The following GPI variants were observed in gnomAD, a reference collection of about 807,000 sequenced individuals.
GPI encodes D-hexose-6-phosphate anomerase.
In GPI, 56 loss-of-function variants were observed where a neutral mutation model predicts 75.8. The observed-to-expected ratio is 0.74, with a 90% CI of 0.60 to 0.92. The LOEUF is 0.92. Among genes scored for constraint, GPI ranks in the 40% least tolerant of loss-of-function variants. GPI has a pLI of 0.00. For synonymous variants in GPI, 288 were observed against 285.4 expected (o/e 1.01, Z -0.09); for missense variants, 638 against 741.0 (o/e 0.86, Z 1.61).
At chr19:34,375,602 A>AC (rs2074523005) in intron 4 of GPI, among the ~76,000 whole-genome samples, 1 of 151,476 alleles carries the variant, frequency 6.6e-6, no homozygotes, top group Non-Finnish European at 1.5e-5. Flanking sequence ...GGTTTGGAGG[A>AC]CCCCCCTCTA....
At chr19:34,375,939 C>T (rs2074528845) in intron 4 of GPI, among the ~76,000 whole-genome samples, 1 of 152,208 alleles carries the variant, frequency 6.6e-6, no homozygotes, top group African/African-American at 2.4e-5. Flanking sequence ...GTCTGATACT[C>T]CTTTCCCCAG....
chr19:34,379,146 T>G (rs1325778970), intron 7 of GPI, 141 bp downstream of exon 7: 1 of 765,380 alleles, frequency 1.3e-6, no homozygotes, highest in Non-Finnish European at 2.4e-6. Flanking sequence ...CTTTGCTAGA[T>G]GAGATGATTG....
chr19:34,396,471 GA>G, intron 13 of GPI, 41 bp downstream of exon 13: 1 of 1,613,670 alleles, frequency 6.2e-7, no homozygotes. Flanking sequence ...TTGGGGGAGG[GA>G]AAGGATCTTC....
At position 34,378,925 on chromosome 19, in the gene GPI, T is replaced by C. The variant is rs778938667; in HGVS notation, c.634-9T>C. The C allele has an allele frequency of 9.9e-6, 16 of 1,613,424 alleles. No individual in the cohort carries two copies. On this transcript the variant is annotated splice_polypyrimidine_tract_variant and intron_variant, in intron 6 of 17. Transcript: ENST00000356487. ...CTCGGGCGCCCACTGCTGTTCTCTTTGGTTGCAGACCTTTACTACCCAGGA... is the reference window on the plus strand; with the variant it reads ...CTCGGGCGCCCACTGCTGTTCTCTTCGGTTGCAGACCTTTACTACCCAGGA...
In GPI at chr19:34,365,479, C is replaced by T. The variant is rs1435796490; in HGVS notation, c.122+91C>T. The T allele has an allele frequency of 2.7e-6, 4 of 1,506,328 alleles. No homozygotes were observed. The South Asian group carries it at 3.6e-5, about 14-fold the overall frequency. The allele number at this position is 1,506,328 out of a possible 1,614,324, so 93.3% of individuals were successfully genotyped here. On this transcript the variant is annotated intron_variant, in intron 1 of 17. Coordinates refer to ENST00000356487, the MANE Select transcript of GPI (RefSeq NM_000175.5). ...GTCTGGAGGCGGGGGCAGCGGTGCC[C>T]GGGGACCCCAGTCCCCGACCTCCAG...
chr19:34,379,126 C>T (rs749884961), intron 7 of GPI, 121 bp downstream of exon 7: 7 of 848,032 alleles, frequency 8.3e-6, no homozygotes, highest in South Asian at 6.7e-5. Flanking sequence ...GCGGCCTTGC[C>T]GGTGCCTGCC....
intron 8 of GPI, among the ~76,000 whole-genome samples, chr19:34,380,223 T>G (rs1288647246): frequency 1.3e-5 from 2 of 151,962 alleles, no homozygotes; most frequent in African/African-American, 2.4e-5. Flanking sequence ...CTCTGACTCC[T>G]GACCTTAAGT....
chr19:34,365,632 G>A (rs1416029699), intron 1 of GPI: 5 of 684,172 alleles, frequency 7.3e-6, no homozygotes, highest in Admixed American at 2.1e-5. Context: ...GGAAAAACGG[G>A]CCCCTCCGTG....
chr19:34,377,421 C>A, intron 4 of GPI, 82 bp from the exon 5 acceptor site: 1 of 1,003,118 alleles, frequency 1.0e-6, no homozygotes, highest in Non-Finnish European at 1.6e-6. Flanking sequence ...ACTGAGGTAC[C>A]AGGACACGGC....
At chr19:34,399,417 G>T in intron 15 of GPI, 82 bp downstream of exon 15, 1 of 1,593,606 alleles carries the variant, frequency 6.3e-7, no homozygotes, top group Non-Finnish European at 8.6e-7. Context: ...GGCTTGGGGC[G>T]TGCCTGGCTT....
intron 14 of GPI, chr19:34,398,212 C>T (rs1253098478): frequency 6.6e-5 from 10 of 152,098 alleles, no homozygotes; most frequent in African/African-American, 2.2e-4. Flanking sequence ...CCACACCCAG[C>T]TGATTTTTTT....
intron 4 of GPI, among the ~76,000 whole-genome samples, chr19:34,377,009 T>A (rs1047303474): frequency 1.3e-5 from 2 of 148,434 alleles, no homozygotes; most frequent in South Asian, 2.1e-4. Flanking sequence ...AAAAAAAAAA[T>A]TAAAAATAAA....
intron 9 of GPI, among the ~76,000 whole-genome samples, chr19:34,384,958 G>A (rs747835790): frequency 2.0e-5 from 3 of 151,260 alleles, no homozygotes; most frequent in Non-Finnish European, 2.9e-5. Flanking sequence ...CACCAGAATT[G>A]CTTGAACTGG....
upstream of GPI, among the ~76,000 whole-genome samples, chr19:34,362,910 A>G (rs2074308639): frequency 6.6e-6 from 1 of 152,216 alleles, no homozygotes; most frequent in African/African-American, 2.4e-5. Context: ...AGGCAGGGGT[A>G]GAAACACGGG....
At chr19:34,380,672 T>C (rs2074636456) in intron 8 of GPI, among the ~76,000 whole-genome samples, 1 of 152,178 alleles carries the variant, frequency 6.6e-6, no homozygotes, top group African/African-American at 2.4e-5. Flanking sequence ...CTCGAGGTTG[T>C]GCAGGCTCAG....
chr19:34,393,959 T>G lies in GPI; in HGVS notation c.955T>G (p.Leu319Val), dbSNP rs372267533. Residue 319 changes from leucine (L) to valine (V), a missense_variant, in exon 12 of 18, where the codon TTG (leucine) becomes GTG (valine). Transcript: ENST00000356487. This position sits in a 1 kb window ranked among gnomAD's most constrained non-coding sequence, Gnocchi z 4.4. ...GCCCCTGGAGAAGAACGCCCCCGTC[T>G]TGCTGGCCCTGCTGGGTATCTGGTA... Reference protein sequence around the residue: ...TTPLEKNAPVLLALLGIWYIN... With the variant: ...TTPLEKNAPVVLALLGIWYIN... The G allele has an allele frequency of 6.2e-7, 1 of 1,613,842 alleles. No homozygotes were observed. The highest frequency in any genetic ancestry group is 1.7e-5 in the Admixed American group (1 of 60,022).
At chr19:34,361,469 C>T (rs1002427866), upstream of GPI, among the ~76,000 whole-genome samples, 4 of 152,096 alleles carry the variant, frequency 2.6e-5, no homozygotes, top group Middle Eastern at 3.2e-3. Context: ...ATGAGGGATA[C>T]ATGGAAAGGA....
chr19:34,378,297 C>T (rs1011870918), intron 6 of GPI, among the ~76,000 whole-genome samples: 8 of 152,152 alleles, frequency 5.3e-5, no homozygotes, highest in South Asian at 2.1e-4. Flanking sequence ...AGGTTTCAAG[C>T]GATTCTCCTG....
In GPI at chr19:34,381,503, T is replaced by G; in HGVS notation, c.788T>G (p.Met263Arg). Residue 263 changes from methionine to arginine, a missense_variant, in exon 9 of 18, where the codon ATG becomes AGG. By Grantham distance (91) the Met-to-Arg change is moderately conservative. Transcript: ENST00000356487. ...VKEFGIDPQNMFEFWDWVGGR... is the reference protein window; with the variant it reads ...VKEFGIDPQNRFEFWDWVGGR... ...GAGTTTGGAATTGACCCTCAAAACATGTTCGAGTTCTGGGATGTAAGTACA... is the reference window on the plus strand; with the variant it reads ...GAGTTTGGAATTGACCCTCAAAACAGGTTCGAGTTCTGGGATGTAAGTACA... The G allele has an allele frequency of 6.2e-7, 1 of 1,607,522 alleles. No homozygotes were observed. Among genetic ancestry groups the G allele is most frequent in the Non-Finnish European group, 8.5e-7 (1 of 1,174,196 alleles).
Sources: gnomAD v4.1 joint callset for allele counts (sites outside exome capture counted in the v4.1 genomes callset) on GRCh38, gnomAD v4.1.1 for gene constraint, Gnocchi (gnomAD v3.1) non-coding constraint, MANE v1.5 for transcripts, NCBI Gene and HGNC (gene_info 2026-07-23, HGNC 2026-07-21) for gene names.